ZNF236: variants seen among roughly 807,000 people sequenced by gnomAD.
The protein encoded by ZNF236 is zinc finger protein 236, also known as regulated by glucose.
Under a neutral mutation model 191.2 loss-of-function variants are expected in ZNF236, and 50 were observed. That is an observed-to-expected ratio of 0.26 (90% CI 0.21 to 0.33). The LOEUF is 0.33. Among genes scored for constraint, ZNF236 ranks in the 10% least tolerant of loss-of-function variants. The probability of loss-of-function intolerance (pLI) is 1.00; values close to 1 mark genes in which losing one functional copy is unlikely to be tolerated. For synonymous variants in ZNF236, 907 were observed against 928.8 expected, an observed-to-expected ratio of 0.98 and a Z score of 0.43; for missense variants, 1,754 against 2,374.5, an observed-to-expected ratio of 0.74 and a Z score of 5.43.
chr18:76,932,373 T>C (rs1052248029), intron 25 of ZNF236, among the ~76,000 whole-genome samples: 2 of 152,240 alleles, frequency 1.3e-5, no homozygotes, highest in African/African-American at 4.8e-5. Flanking sequence ...AAATATATGA[T>C]GTATTGTTGA....
intron 3 of ZNF236, among the ~76,000 whole-genome samples, 180 bp from the exon 4 acceptor site, chr18:76,868,505 A>G (rs1976484945): frequency 6.6e-6 from 1 of 152,210 alleles, no homozygotes; most frequent in Non-Finnish European, 1.5e-5. Flanking sequence ...TGTATATTCA[A>G]ATACATTTTT....
intron 3 of ZNF236, among the ~76,000 whole-genome samples, chr18:76,854,132 C>G (rs1267816590): frequency 6.6e-6 from 1 of 151,964 alleles, no homozygotes; most frequent in Non-Finnish European, 1.5e-5. Flanking sequence ...TTAGCCATTC[C>G]TCAGCATATA....
At position 76,959,796 on chromosome 18, in the gene ZNF236, G is replaced by A. The variant is rs1341464408; in HGVS notation, c.5222G>A (p.Arg1741His). 6 of 1,614,038 alleles carry A rather than the reference G, an allele frequency of 3.7e-6. No individual in the cohort carries two copies. Among genetic ancestry groups the A allele is most frequent in the Admixed American group, 1.7e-5 (1 of 60,018 alleles). The change falls in exon 29 of 31, where the codon CGC (arginine) becomes CAC (histidine). Residue 1741 changes from arginine (R) to histidine (H), a missense_variant. Arg to His is a conservative substitution (Grantham distance 29). This residue lies in a region of ZNF236 where 606 missense variants were observed against 761.5 expected (regional missense o/e 0.80). Transcript: ENST00000320610. ...KAFAKPSQLERHSRIHTGERP... is the reference protein window; with the variant it reads ...KAFAKPSQLEHHSRIHTGERP... ...TTTGCCAAACCAAGCCAGCTGGAGC[G>A]CCACAGCCGCATACATACAGGTAAC...
At chr18:76,896,215 TTCAG>T (rs1158751126) in intron 10 of ZNF236, among the ~76,000 whole-genome samples, 2 of 105,996 alleles carry the variant, frequency 1.9e-5, no homozygotes, top group East Asian at 3.0e-4. Context: ...AGGCACCAAA[TTCAG>T]TATCAAACAC....
chr18:76,886,944 T>C, intron 9 of ZNF236: 1 of 202,098 alleles, frequency 4.9e-6, no homozygotes, highest in South Asian at 1.0e-4. Context: ...GATATCCCCA[T>C]TCTGAATTCA....
chr18:76,922,845 C>T, intron 20 of ZNF236, among the ~76,000 whole-genome samples: 1 of 152,226 alleles, frequency 6.6e-6, no homozygotes, highest in Non-Finnish European at 1.5e-5. Flanking sequence ...GCGTGAGCCA[C>T]CGCTCCTGGC....
chr18:76,964,942 G>C (rs1171944009), intron 30 of ZNF236, among the ~76,000 whole-genome samples: 1 of 152,178 alleles, frequency 6.6e-6, no homozygotes, highest in South Asian at 2.1e-4. Context: ...AGCAAGGCCA[G>C]GGAAGTTTTC....
chr18:76,959,583 G>T, intron 28 of ZNF236, 104 bp from the exon 29 acceptor site: 1 of 1,357,192 alleles, frequency 7.4e-7, no homozygotes, highest in Non-Finnish European at 9.8e-7. Context: ...CTTTGATTTT[G>T]TCCTTGCCAC....
chr18:76,827,211 G>A (rs1054265626), intron 1 of ZNF236, among the ~76,000 whole-genome samples: 10 of 151,772 alleles, frequency 6.6e-5, no homozygotes, highest in African/African-American at 2.4e-4. Context: ...TTGAGACGGA[G>A]TTTTGCCCTT....
intron 1 of ZNF236, among the ~76,000 whole-genome samples, chr18:76,843,013 T>G (rs1763777394): frequency 6.6e-6 from 1 of 152,224 alleles, no homozygotes; most frequent in South Asian, 2.1e-4. Flanking sequence ...CTGGTGCTGT[T>G]ACCCAGTCCG....
At chr18:76,924,033 C>T (rs539791166) in intron 21 of ZNF236, among the ~76,000 whole-genome samples, 23 of 152,262 alleles carry the variant, frequency 1.5e-4, no homozygotes, top group African/African-American at 5.3e-4. Context: ...AACAAATGGA[C>T]TTTCACACAT....
intron 30 of ZNF236, 92 bp from the exon 31 acceptor site, chr18:76,968,123 C>T: frequency 6.7e-7 from 1 of 1,497,534 alleles, no homozygotes; most frequent in East Asian, 2.3e-5. Context: ...AATTCCTTGT[C>T]TCTTTCTACC....
intron 2 of ZNF236, among the ~76,000 whole-genome samples, chr18:76,850,179 A>G (rs1975816857): frequency 6.6e-6 from 1 of 152,156 alleles, no homozygotes; most frequent in South Asian, 2.1e-4. Flanking sequence ...TAATGGAATG[A>G]TTTTCCTGAT....
rs757861308 is a variant in ZNF236, at chr18:76,956,120, C to G, written c.5050C>G (p.Arg1684Gly). 8.9e-6 allele frequency: 14 copies of G among 1,576,762 alleles called. No individual in the cohort carries two copies. The South Asian group carries it at 1.6e-4, about 18-fold the overall frequency. The change falls in exon 28 of 31, where the codon CGG (arginine) becomes GGG (glycine). Residue 1684 changes from arginine to glycine, a missense_variant. Physicochemically the swap from Arg to Gly is moderately radical, Grantham distance 125 (BLOSUM62 -2). Coordinates refer to ENST00000320610, the MANE Select transcript of ZNF236 (RefSeq NM_001306089.2). ...GCACCACAGCAAGGAGGTGCATGGC[C>G]GGGAGCGCATCCACGGCTGCCCCGT... is the stretch of plus-strand genomic sequence containing the variant. The part of the protein sequence containing the change: ...LMHHSKEVHG[R>G]ERIHGCPVCR...
intron 25 of ZNF236, 48 bp from the exon 26 acceptor site, chr18:76,937,108 G>T (rs755607333): frequency 1.3e-6 from 2 of 1,577,432 alleles, no homozygotes; most frequent in South Asian, 1.1e-5. Flanking sequence ...CTTACACCTG[G>T]ACTTGTCTGG....
rs547279706 is a variant in ZNF236, at chr18:76,846,408, A to G, written c.56-3118A>G. Reference sequence around the variant, plus strand: ...CTTTGAGCAGAAGGAAAGCAAGCGAAGTGGGGGCAGTGGAGGCCACCACGT... The same window carrying G: ...CTTTGAGCAGAAGGAAAGCAAGCGAGGTGGGGGCAGTGGAGGCCACCACGT... On this transcript the variant is annotated intron_variant, in intron 1 of 30. Coordinates refer to ENST00000320610, the MANE Select transcript of ZNF236 (RefSeq NM_001306089.2). Among the ~76,000 whole-genome samples, 4 of 152,328 alleles carry G rather than the reference A, an allele frequency of 2.6e-5. No homozygotes were observed. In the South Asian group the frequency reaches 8.3e-4, roughly 32 times the overall value.
chr18:76,922,493 C>A (rs1967564348), intron 20 of ZNF236, among the ~76,000 whole-genome samples: 1 of 151,766 alleles, frequency 6.6e-6, no homozygotes, highest in African/African-American at 2.4e-5. Context: ...CTTTTCTACT[C>A]TGATATCGTT....
rs1315409386 is a variant in ZNF236, at chr18:76,919,696, CTATT to C, written c.3275-77_3275-74del. On this transcript the variant is annotated intron_variant, in intron 19 of 30. Transcript: ENST00000320610. This position sits in a 1 kb window ranked among gnomAD's most constrained non-coding sequence, Gnocchi z 5.3. ...TTATTAATTTTCATTACATACATAC[CTATT>C]TAGTTTTAATTGTTTTGCTAAAAAC... 4 of 1,488,616 alleles carry C rather than the reference CTATT, an allele frequency of 2.7e-6. No homozygotes were observed. Among genetic ancestry groups the C allele is most frequent in the Non-Finnish European group, 3.7e-6 (4 of 1,084,616 alleles). 92.2% of individuals were successfully genotyped at this position (1,488,616 alleles called of 1,614,324 possible).
chr18:76,865,279 G>A (rs1314191599), intron 3 of ZNF236, among the ~76,000 whole-genome samples: 1 of 152,196 alleles, frequency 6.6e-6, no homozygotes, highest in Non-Finnish European at 1.5e-5. Flanking sequence ...AGAGGTTGCA[G>A]TGAGCTGAGA....
Sources: allele counts gnomAD v4.1 joint callset (sites outside exome capture counted in the v4.1 genomes callset), GRCh38; gene constraint gnomAD v4.1.1; regional missense constraint gnomAD v4.1.1; non-coding constraint Gnocchi (gnomAD v3.1); transcripts MANE v1.5; gene names NCBI Gene and HGNC (gene_info 2026-07-23, HGNC 2026-07-21).